Variants in SLC19A1 observed in about 807,000 individuals in gnomAD.
SLC19A1 encodes solute carrier family 19 member 1.
SLC19A1 carries 37 observed loss-of-function variants against 35.3 expected under a neutral mutation model. The observed-to-expected ratio is 1.05, with a 90% confidence interval of 0.81 to 1.38. SLC19A1 has a LOEUF of 1.38. Among genes scored for constraint, SLC19A1 ranks in the 40% most tolerant of loss-of-function variants. The probability of loss-of-function intolerance (pLI) is 0.00; values close to 1 mark genes in which losing one functional copy is unlikely to be tolerated. For missense variants in SLC19A1, 831 were observed against 826.9 expected (o/e 1.00, Z -0.06); for synonymous variants, 460 against 398.5 (o/e 1.15, Z -1.84).
At chr21:45,555,667 G>T (rs541928673) in intron 1 of SLC19A1, among the ~76,000 whole-genome samples, 2 of 151,952 alleles carry the variant, frequency 1.3e-5, no homozygotes, top group Admixed American at 1.3e-4. Context: ...CGGCCCGCGT[G>T]GGGAGTGCCT....
At chr21:45,561,535 C>T (rs1194127863) in intron 1 of SLC19A1, among the ~76,000 whole-genome samples, 2 of 151,992 alleles carry the variant, frequency 1.3e-5, no homozygotes, top group Admixed American at 6.5e-5. Context: ...CTGAGGTGGG[C>T]AGATCACCTG....
chr21:45,515,413 C>A lies in SLC19A1; in HGVS notation c.*245G>T. 7.1e-7 allele frequency: 1 copy of A among 1,413,064 alleles called. No individual in the cohort carries two copies. The highest frequency in any genetic ancestry group is 9.1e-7 in the Non-Finnish European group (1 of 1,097,940). The allele number at this position is 1,413,064 out of a possible 1,614,324, so 87.5% of individuals were successfully genotyped here. A position where few individuals can be genotyped will look rare whatever the true frequency, so the allele number is the denominator to read the frequency against. ...CCTGGTGGACGCAGAAGCCCACCAC[C>A]CACCTCTTCCAGCAACAAAGCCCGC... On this transcript the variant is annotated 3_prime_UTR_variant, in exon 6 of 6. Coordinates refer to ENST00000311124, the MANE Select transcript of SLC19A1 (RefSeq NM_194255.4).
At position 45,533,176 on chromosome 21, in the gene SLC19A1, T is replaced by C. The variant is rs529675175; in HGVS notation, c.190-1028A>G. Among the ~76,000 whole-genome samples the C allele has an allele frequency of 7.2e-5, 11 of 152,304 alleles. No homozygotes were observed. The South Asian group carries it at 2.3e-3, about 32-fold the overall frequency. ...CCCCCACCTCCTCCATCACATGTTA[T>C]GTGGGAACCCAGCTCCACAGCCTTG... is the stretch of plus-strand genomic sequence containing the variant. On this transcript the variant is annotated intron_variant, in intron 2 of 5. Transcript: ENST00000311124. The surrounding 1 kb of genome is among the most constrained non-coding windows in gnomAD (Gnocchi z 4.5).
At chr21:45,528,690 A>G (rs1305945934) in intron 4 of SLC19A1, among the ~76,000 whole-genome samples, 2 of 152,368 alleles carry the variant, frequency 1.3e-5, no homozygotes, top group Non-Finnish European at 2.9e-5. Flanking sequence ...ATGTAGGTAG[A>G]AGGGCATTCA....
At chr21:45,523,597 G>A (rs1445707652) in intron 5 of SLC19A1, among the ~76,000 whole-genome samples, 1 of 152,216 alleles carries the variant, frequency 6.6e-6, no homozygotes, top group South Asian at 2.1e-4. Flanking sequence ...GGGAGCACAC[G>A]CACAGAGTCC....
intron 3 of SLC19A1, among the ~76,000 whole-genome samples, chr21:45,503,660 T>C (rs1218393294): frequency 2.2e-5 from 3 of 135,728 alleles, no homozygotes; most frequent in Admixed American, 1.4e-4. Context: ...GGGGGAGGGA[T>C]AGCATTGGGA....
In SLC19A1 at chr21:45,504,502, C is replaced by G. The variant is rs766026583; in HGVS notation, c.498-5890G>C. ...GCGGTTTCTTCGGCTCCAGCCTGCCCGGCCCCCCCGGCCCCCCAGGCCCCC... is the reference window on the plus strand; with the variant it reads ...GCGGTTTCTTCGGCTCCAGCCTGCCGGGCCCCCCCGGCCCCCCAGGCCCCC... On this transcript the variant is annotated intron_variant, in intron 3 of 4. Coordinates refer to the SLC19A1 transcript ENST00000417954. 2.8e-6 allele frequency: 4 copies of G among 1,414,428 alleles called. No individual in the cohort carries two copies. The highest frequency in any genetic ancestry group is 3.7e-6 in the Non-Finnish European group (4 of 1,078,388). The allele number at this position is 1,414,428 out of a possible 1,614,324, so 87.6% of individuals were successfully genotyped here. A position where few individuals can be genotyped will look rare whatever the true frequency, so the allele number is the denominator to read the frequency against.
At position 45,530,883 on chromosome 21, in the gene SLC19A1, C is replaced by T. The variant is rs537206522; in HGVS notation, c.1038G>A (p.Gln346=). ...GCGCCAGAAGGAAGACCAGCCCCGC[C>T]TGCGTGGCCGTGACGCCCGCGATGA... ...KLLIAGVTAT[Q]AGLVFLLAHT... is the part of the protein sequence containing the mutation. Residue 346 remains glutamine, a synonymous_variant, in exon 4 of 6, where the codon CAG becomes CAA. Coordinates refer to ENST00000311124, the MANE Select transcript of SLC19A1 (RefSeq NM_194255.4). The surrounding 1 kb of genome is among the most constrained non-coding windows in gnomAD (Gnocchi z 5.3). 5 of 1,485,322 alleles carry T rather than the reference C, an allele frequency of 3.4e-6. No homozygotes were observed. The African/African-American group carries it at 7.3e-5, about 22-fold the overall frequency. The allele number at this position is 1,485,322 out of a possible 1,614,324, so 92.0% of individuals were successfully genotyped here.
rs998770780 is a variant in SLC19A1 at position 45,533,472 on chromosome 21, C to T, written c.190-1324G>A. Among the ~76,000 whole-genome samples the T allele has an allele frequency of 1.3e-5, 2 of 152,286 alleles. No individual in the cohort carries two copies. The highest frequency in any genetic ancestry group is 2.9e-5 in the Non-Finnish European group (2 of 67,986). On this transcript the variant is annotated intron_variant, in intron 2 of 5. Coordinates refer to ENST00000311124, the MANE Select transcript of SLC19A1 (RefSeq NM_194255.4). The surrounding 1 kb of genome is among the most constrained non-coding windows in gnomAD (Gnocchi z 4.5). Reference sequence around the variant, plus strand: ...GCCCCACCCCTGTGAGGCCAAGCCGCTTGCCTTGCCCCTCCCTGGGGACTG... The same window carrying T: ...GCCCCACCCCTGTGAGGCCAAGCCGTTTGCCTTGCCCCTCCCTGGGGACTG...
At position 45,515,328 on chromosome 21, in the gene SLC19A1, T is replaced by G. The variant is rs1555878408; in HGVS notation, c.*330A>C. On this transcript the variant is annotated 3_prime_UTR_variant, in exon 6 of 6. Coordinates refer to ENST00000311124, the MANE Select transcript of SLC19A1 (RefSeq NM_194255.4). The stretch of plus-strand genomic sequence containing the variant: ...GCTGGTATCCAAGAGGCCACTTCAC[T>G]AGCCCTGGGGGGCAGAAAGGATTTG... 1 of 1,449,860 alleles carries G rather than the reference T, an allele frequency of 6.9e-7. No individual in the cohort carries two copies. Among genetic ancestry groups the G allele is most frequent in the Non-Finnish European group, 9.0e-7 (1 of 1,112,680 alleles). 89.8% of individuals were successfully genotyped at this position (1,449,860 alleles called of 1,614,324 possible). A position where few individuals can be genotyped will look rare whatever the true frequency, so the allele number is the denominator to read the frequency against.
chr21:45,531,017 G>C (rs749723921), intron 3 of SLC19A1, 46 bp from the exon 4 acceptor site: 2 of 1,319,358 alleles, frequency 1.5e-6, no homozygotes, highest in African/African-American at 1.6e-5. Context: ...GGGGGGCCAC[G>C]GGGCAGGGGG....
rs933737558 is a variant in SLC19A1, at chr21:45,513,804, C to T, written c.*1854G>A. 1.1e-4 allele frequency: 16 copies of T among 152,290 alleles called. No individual in the cohort carries two copies. The highest frequency in any genetic ancestry group is 9.2e-4 in the Admixed American group (14 of 15,292). The allele number at this position is 152,290 out of a possible 1,614,324, so 9.4% of individuals were successfully genotyped here. A position where few individuals can be genotyped will look rare whatever the true frequency, so the allele number is the denominator to read the frequency against. On this transcript the variant is annotated 3_prime_UTR_variant, in exon 6 of 6. Coordinates refer to ENST00000311124, the MANE Select transcript of SLC19A1 (RefSeq NM_194255.4). ...TTCTCAGGAGTCTTTTATCCCTGGA[C>T]TGCCCCACTGGCAGATCCCGAGTGT...
chr21:45,555,160 CG>C (rs1555888675), intron 1 of SLC19A1, among the ~76,000 whole-genome samples: 1 of 41,814 alleles, frequency 2.4e-5, no homozygotes, highest in Non-Finnish European at 4.2e-5. Context: ...CAGGGGGCGG[CG>C]GGGGCGGCGC....
rs1305494852 is a variant in SLC19A1 at position 45,517,893 on chromosome 21, G to A, written c.1294-1753C>T. On this transcript the variant is annotated intron_variant, in intron 5 of 5. Coordinates refer to ENST00000311124, the MANE Select transcript of SLC19A1 (RefSeq NM_194255.4). The surrounding 1 kb of genome is among the most constrained non-coding windows in gnomAD (Gnocchi z 4.4). ...TTCCACCCCACCTGCCTGTAGCGAG[G>A]TGCACACCCCGCTTGACCTGCAGGA... Among the ~76,000 whole-genome samples, 3 of 152,168 alleles carry A rather than the reference G, an allele frequency of 2.0e-5. No homozygotes were observed. The highest frequency in any genetic ancestry group is 4.4e-5 in the Non-Finnish European group (3 of 68,042).
chr21:45,512,199 G>A (rs1391257489), downstream of SLC19A1: 2 of 1,612,368 alleles, frequency 1.2e-6, no homozygotes, highest in East Asian at 2.2e-5. Context: ...CCCCAGAAGA[G>A]CGTGTGGCAT....
At chr21:45,542,336 C>G (rs989972600) in intron 1 of SLC19A1, 32 bp downstream of exon 1, 1 of 151,808 alleles carries the variant, frequency 6.6e-6, no homozygotes, top group African/African-American at 2.4e-5. Context: ...GCCCCCGACA[C>G]GCGGCCCCGT....
Position 45,515,589 on chromosome 21 carries a change from C to T in SLC19A1, c.*69G>A. The T allele has an allele frequency of 1.3e-6, 2 of 1,594,300 alleles. No individual in the cohort carries two copies. The highest frequency in any genetic ancestry group is 2.3e-5 in the South Asian group (2 of 88,734). On this transcript the variant is annotated 3_prime_UTR_variant, in exon 6 of 6. Transcript: ENST00000311124. ...AGGCCCCCATTGCTAAGGCAGGCGGCCCTCGAGGCAGGGGTCGTGGGGATG... is the reference window on the plus strand; with the variant it reads ...AGGCCCCCATTGCTAAGGCAGGCGGTCCTCGAGGCAGGGGTCGTGGGGATG...
downstream of SLC19A1, chr21:45,512,463 G>C: frequency 1.3e-6 from 2 of 1,512,978 alleles, no homozygotes; most frequent in Non-Finnish European, 9.0e-7. Context: ...ACCGTGGGCA[G>C]GGAGCGGCCG....
intron 1 of SLC19A1, among the ~76,000 whole-genome samples, chr21:45,561,719 A>G (rs2078616512): frequency 6.7e-6 from 1 of 150,216 alleles, no homozygotes; most frequent in African/African-American, 2.5e-5. Flanking sequence ...CAAGATCATG[A>G]CACTGCACTC....
Sources: gnomAD v4.1 joint callset for allele counts (sites outside exome capture counted in the v4.1 genomes callset) on GRCh38, gnomAD v4.1.1 for gene constraint, Gnocchi (gnomAD v3.1) non-coding constraint, MANE v1.5 for transcripts, NCBI Gene and HGNC (gene_info 2026-07-23, HGNC 2026-07-21) for gene names.